LDAH: variants seen among roughly 807,000 people sequenced by gnomAD.
LDAH encodes lipid droplet-associated hydrolase.
A neutral mutation model predicts 29.6 loss-of-function variants in LDAH; 26 were observed. The ratio of observed to expected loss-of-function variants is 0.88; its 90% CI spans 0.64 to 1.22. The LOEUF (loss-of-function observed/expected upper bound fraction) is 1.22, where lower values mean the gene tolerates loss of function less well. Ranked by LOEUF, LDAH falls within the 50% of genes most tolerant of loss-of-function variation. The pLI, the probability that LDAH is intolerant of heterozygous loss-of-function variation, is 0.00. For synonymous variants in LDAH, 117 were observed against 133.0 expected, an observed-to-expected ratio of 0.88 and a Z score of 0.83; for missense variants, 344 against 387.3, an observed-to-expected ratio of 0.89 and a Z score of 0.94.
At chr2:20,748,218 G>A (rs1667712207) in intron 4 of LDAH, among the ~76,000 whole-genome samples, 1 of 151,826 alleles carries the variant, frequency 6.6e-6, no homozygotes, top group Non-Finnish European at 1.5e-5. Context: ...AACCACTTTT[G>A]CCATTTTCCA....
chr2:20,765,126 C>T (rs1374039844), intron 4 of LDAH, among the ~76,000 whole-genome samples: 2 of 152,136 alleles, frequency 1.3e-5, no homozygotes, highest in African/African-American at 4.8e-5. Flanking sequence ...TTCCATTTTC[C>T]AAGTTTTCAA....
At chr2:20,700,589 G>T (rs542062042) in intron 6 of LDAH, among the ~76,000 whole-genome samples, 1 of 151,978 alleles carries the variant, frequency 6.6e-6, no homozygotes, top group Non-Finnish European at 1.5e-5. Context: ...ACTCAGCAGG[G>T]ATCATTTCAG....
intron 4 of LDAH, among the ~76,000 whole-genome samples, chr2:20,760,790 C>T (rs547540355): frequency 9.9e-5 from 15 of 152,284 alleles, no homozygotes; most frequent in Non-Finnish European, 1.6e-4. Flanking sequence ...AAATCACATA[C>T]ACATAATCAT....
intron 3 of LDAH, among the ~76,000 whole-genome samples, chr2:20,784,153 C>T (rs1024227316): frequency 3.3e-5 from 5 of 152,108 alleles, no homozygotes; most frequent in African/African-American, 1.2e-4. Flanking sequence ...TGCCTGTAAT[C>T]CCAGCACTTT....
chr2:20,731,152 T>C (rs1180289988), intron 5 of LDAH, among the ~76,000 whole-genome samples: 1 of 152,240 alleles, frequency 6.6e-6, no homozygotes, highest in Non-Finnish European at 1.5e-5. Context: ...ACATCTGATA[T>C]GGTTTGGATT....
chr2:20,719,072 CAAAT>C (rs1490754049), intron 5 of LDAH, among the ~76,000 whole-genome samples: 7 of 151,606 alleles, frequency 4.6e-5, no homozygotes, highest in African/African-American at 1.7e-4. Flanking sequence ...ATACAGGCTT[CAAAT>C]AAATAACCTA....
chr2:20,798,073 A>G (rs182166244), intron 2 of LDAH, among the ~76,000 whole-genome samples: 1 of 152,336 alleles, frequency 6.6e-6, no homozygotes, highest in East Asian at 1.9e-4. Context: ...GAAAACAATG[A>G]TTAATGCCCT....
chr2:20,692,557 A>G (rs893856332), intron 6 of LDAH, among the ~76,000 whole-genome samples: 2 of 152,254 alleles, frequency 1.3e-5, no homozygotes, highest in Admixed American at 6.5e-5. Context: ...TACAGGAATA[A>G]AAGGGCTAAT....
chr2:20,758,910 G>A (rs547914297), intron 4 of LDAH, among the ~76,000 whole-genome samples: 1 of 152,308 alleles, frequency 6.6e-6, no homozygotes, highest in South Asian at 2.1e-4. Context: ...GCCTTAAGGA[G>A]AACCCTCCTG....
At chr2:20,811,622 C>T (rs577196390) in intron 1 of LDAH, among the ~76,000 whole-genome samples, 1 of 151,640 alleles carries the variant, frequency 6.6e-6, no homozygotes, top group Non-Finnish European at 1.5e-5. Flanking sequence ...GTAGCTGGGA[C>T]GACAGGCGCC....
intron 6 of LDAH, among the ~76,000 whole-genome samples, chr2:20,696,234 T>A (rs1378131188): frequency 6.6e-6 from 1 of 152,170 alleles, no homozygotes; most frequent in African/African-American, 2.4e-5. Context: ...TCAGAAGGAT[T>A]TGCATGCCCC....
At position 20,774,852 on chromosome 2, in the gene LDAH, G is replaced by C; in HGVS notation, c.426C>G (p.Ser142Arg). 6.2e-7 allele frequency: 1 copy of C among 1,613,434 alleles called. No individual in the cohort carries two copies. Among genetic ancestry groups the C allele is most frequent in the South Asian group, 1.1e-5 (1 of 91,040 alleles). ...GCTTCAGCATCTGAAGTGTGAAATA[G>C]CTGCCTATTGAATGGCCAATGAGCA... ...KLVLIGHSIG[S>R]YFTLQMLKRV... is the part of the protein sequence containing the mutation. The change falls in exon 4 of 7, where the codon AGC becomes AGG. Residue 142 changes from serine to arginine, a missense_variant. Coordinates refer to ENST00000237822, the MANE Select transcript of LDAH (RefSeq NM_021925.4).
At chr2:20,756,508 G>C (rs567975574) in intron 4 of LDAH, among the ~76,000 whole-genome samples, 2 of 152,220 alleles carry the variant, frequency 1.3e-5, no homozygotes, top group South Asian at 4.1e-4. Context: ...TCCTGAGAGA[G>C]AGAGAAAGAG....
At chr2:20,739,807 T>G (rs890473488) in intron 5 of LDAH, among the ~76,000 whole-genome samples, 164 bp downstream of exon 5, 3 of 152,286 alleles carry the variant, frequency 2.0e-5, no homozygotes. Flanking sequence ...ATGAAAAAAT[T>G]CATTCTATTT....
intron 4 of LDAH, among the ~76,000 whole-genome samples, chr2:20,740,938 T>G (rs2124825527): frequency 6.6e-6 from 1 of 152,338 alleles, no homozygotes; most frequent in African/African-American, 2.4e-5. Context: ...TTTCAGCATT[T>G]ATTGTCAGTG....
At chr2:20,775,048 A>T in intron 3 of LDAH, 69 bp from the exon 4 acceptor site, 1 of 1,363,910 alleles carries the variant, frequency 7.3e-7, no homozygotes, top group East Asian at 2.3e-5. Flanking sequence ...CAAGAAAAAG[A>T]TAACAATCAT....
intron 4 of LDAH, among the ~76,000 whole-genome samples, chr2:20,747,427 G>A (rs966060510): frequency 6.6e-6 from 1 of 152,104 alleles, no homozygotes; most frequent in African/African-American, 2.4e-5. Context: ...CTCTTTTTAT[G>A]TGACTGCAAT....
At chr2:20,774,338 A>G (rs1669642746) in intron 4 of LDAH, among the ~76,000 whole-genome samples, 3 of 152,082 alleles carry the variant, frequency 2.0e-5, no homozygotes, top group Admixed American at 2.0e-4. Flanking sequence ...AGAATAGGTA[A>G]GAATCTGAAC....
chr2:20,811,053 T>C (rs1298695422), intron 1 of LDAH, among the ~76,000 whole-genome samples: 2 of 150,934 alleles, frequency 1.3e-5, no homozygotes, highest in African/African-American at 4.9e-5. Flanking sequence ...AGTCCCGCTC[T>C]CTCGCCCAGG....
Sources: allele counts gnomAD v4.1 joint callset (sites outside exome capture counted in the v4.1 genomes callset), GRCh38; gene constraint gnomAD v4.1.1; transcripts MANE v1.5; gene names NCBI Gene and HGNC (gene_info 2026-07-23, HGNC 2026-07-21).